The following ME3 variants were observed in gnomAD, a reference collection of about 807,000 sequenced individuals.
ME3 encodes malic enzyme 3.
A neutral mutation model predicts 68.9 loss-of-function variants in ME3; 48 were observed. The ratio of observed to expected loss-of-function variants is 0.70; its 90% CI spans 0.55 to 0.89. ME3 has a LOEUF of 0.89. Among genes scored for constraint, ME3 ranks in the 40% least tolerant of loss-of-function variants. ME3 has a pLI of 0.00. For synonymous variants in ME3, 320 were observed against 318.8 expected (o/e 1.00, Z -0.04); for missense variants, 675 against 797.4 (o/e 0.85, Z 1.85).
intron 2 of ME3, among the ~76,000 whole-genome samples, chr11:86,659,662 T>C (rs1285771859): frequency 6.6e-6 from 1 of 152,222 alleles, no homozygotes; most frequent in Non-Finnish European, 1.5e-5. Context: ...CTGCCCCGTC[T>C]AACTGCTAGC....
At chr11:86,671,933 C>A (rs61739529) in exon 2 of ME3, 72,965 of 1,430,892 alleles carry the variant, frequency 0.051, 2,195 homozygotes, top group Non-Finnish European at 0.059. Flanking sequence ...CTGTCCCCAG[C>A]GCGGCACCCA....
chr11:86,574,769 A>T (rs915325380), intron 2 of ME3, among the ~76,000 whole-genome samples: 1 of 152,254 alleles, frequency 6.6e-6, no homozygotes, highest in Non-Finnish European at 1.5e-5. Flanking sequence ...AAGACTCAGT[A>T]CGTCAACTTT....
At chr11:86,465,269 G>C (rs1465780762) in intron 7 of ME3, 69 bp from the exon 8 acceptor site, 1 of 1,200,986 alleles carries the variant, frequency 8.3e-7, no homozygotes. Flanking sequence ...ATCCCAGCTT[G>C]CACAGTGGGG....
At chr11:86,533,084 A>G (rs954027410) in intron 4 of ME3, among the ~76,000 whole-genome samples, 1 of 152,194 alleles carries the variant, frequency 6.6e-6, no homozygotes, top group East Asian at 1.9e-4. Flanking sequence ...CAAGTAACCT[A>G]ATCTTATACC....
intron 2 of ME3, among the ~76,000 whole-genome samples, chr11:86,663,504 C>T (rs1946408478): frequency 6.6e-6 from 1 of 152,188 alleles, no homozygotes; most frequent in Non-Finnish European, 1.5e-5. Context: ...ATCAGAGAGG[C>T]AGTCGGATAC....
chr11:86,662,739 A>T (rs2135497154), intron 2 of ME3, among the ~76,000 whole-genome samples: 1 of 152,362 alleles, frequency 6.6e-6, no homozygotes, highest in Non-Finnish European at 1.5e-5. Context: ...ATGTCCTAAA[A>T]ACATTAGCTG....
At chr11:86,517,726 AT>A (rs1953987097) in intron 4 of ME3, among the ~76,000 whole-genome samples, 1 of 152,222 alleles carries the variant, frequency 6.6e-6, no homozygotes, top group African/African-American at 2.4e-5. Context: ...TTAGGAAATT[AT>A]ATCTCTGATG....
chr11:86,621,356 A>T (rs1943338054), intron 2 of ME3, among the ~76,000 whole-genome samples: 1 of 152,136 alleles, frequency 6.6e-6, no homozygotes, highest in Non-Finnish European at 1.5e-5. Context: ...GGTCAGCTAC[A>T]TCATAGTTTT....
intron 5 of ME3, among the ~76,000 whole-genome samples, chr11:86,498,431 A>C (rs760923974): frequency 6.6e-6 from 1 of 152,154 alleles, no homozygotes; most frequent in Non-Finnish European, 1.5e-5. Context: ...ACTCTCCCTC[A>C]AGGAAACTAA....
chr11:86,671,669 C>G, intron 2 of ME3, 93 bp downstream of exon 2: 1 of 1,498,254 alleles, frequency 6.7e-7, no homozygotes, highest in Non-Finnish European at 9.1e-7. Flanking sequence ...GAAGGGCGCC[C>G]GGGAGGATCC....
chr11:86,615,280 C>T (rs1027002894), intron 2 of ME3, among the ~76,000 whole-genome samples: 3 of 152,246 alleles, frequency 2.0e-5, no homozygotes, highest in South Asian at 4.2e-4. Context: ...CCCAAGAAAT[C>T]ATCTAGTACA....
At chr11:86,446,218 C>A in intron 13 of ME3, 96 bp downstream of exon 13, 2 of 1,399,216 alleles carry the variant, frequency 1.4e-6, no homozygotes, top group Non-Finnish European at 9.8e-7. Context: ...AATGTTGGGG[C>A]AGATGGGCAG....
intron 2 of ME3, among the ~76,000 whole-genome samples, chr11:86,661,869 ATT>A (rs1946305621): frequency 9.3e-6 from 1 of 108,064 alleles, no homozygotes; most frequent in African/African-American, 3.6e-5. Context: ...ATTGTATTGT[ATT>A]GTATTGTATT....
At chr11:86,568,914 T>C (rs1957629269) in intron 2 of ME3, among the ~76,000 whole-genome samples, 1 of 152,234 alleles carries the variant, frequency 6.6e-6, no homozygotes, top group Non-Finnish European at 1.5e-5. Flanking sequence ...CTCAAGTGTC[T>C]ACTAGAGGAG....
rs376559959 is a variant in ME3, at chr11:86,449,874, C to T, written c.1131+15G>A. On this transcript the variant is annotated intron_variant, in intron 10 of 14. Coordinates refer to ENST00000543262, the Ensembl canonical transcript of ME3. ...AAGGTGTCAGGAAACCTCCAGGTCTCCAGACTGACAGTACCTTGACAATGA... is the reference window on the plus strand; with the variant it reads ...AAGGTGTCAGGAAACCTCCAGGTCTTCAGACTGACAGTACCTTGACAATGA... 17 of 1,602,284 alleles carry T rather than the reference C, an allele frequency of 1.1e-5. No individual in the cohort carries two copies. In the African/African-American group the frequency reaches 2.1e-4, roughly 20 times the overall value.
chr11:86,638,244 C>G (rs1944463945), intron 2 of ME3, among the ~76,000 whole-genome samples: 1 of 152,150 alleles, frequency 6.6e-6, no homozygotes, highest in South Asian at 2.1e-4. Flanking sequence ...CTGGAAACTT[C>G]CTCCTAAATG....
chr11:86,613,208 G>C (rs562272529), intron 2 of ME3, among the ~76,000 whole-genome samples: 7 of 152,290 alleles, frequency 4.6e-5, no homozygotes, highest in South Asian at 4.2e-4. Context: ...TCGAAGATCA[G>C]ATGGTTGTAG....
Position 86,559,842 on chromosome 11 carries a change from G to T in ME3, c.184-19C>A. The T allele has an allele frequency of 6.2e-7, 1 of 1,611,832 alleles. No homozygotes were observed. The highest frequency in any genetic ancestry group is 8.5e-7 in the Non-Finnish European group (1 of 1,178,706). On this transcript the variant is annotated intron_variant, in intron 2 of 14. Coordinates refer to ENST00000543262, the Ensembl canonical transcript of ME3. ...CCATCCCCTGGGAAAAACAGGAAAA[G>T]AACACCCACACATAAGTGCATACTC...
At chr11:86,617,304 G>A (rs1007568503) in intron 2 of ME3, among the ~76,000 whole-genome samples, 3 of 151,834 alleles carry the variant, frequency 2.0e-5, no homozygotes, top group Non-Finnish European at 4.4e-5. Flanking sequence ...CTCAACAAAT[G>A]TAAGCCATAT....
Sources: gnomAD v4.1 joint callset for allele counts (sites outside exome capture counted in the v4.1 genomes callset) on GRCh38, gnomAD v4.1.1 for gene constraint, MANE v1.5 for transcripts, NCBI Gene and HGNC (gene_info 2026-07-23, HGNC 2026-07-21) for gene names.